BST1: variants seen among roughly 807,000 people sequenced by gnomAD.
BST1 encodes the protein ADP-ribosyl cyclase/cyclic ADP-ribose hydrolase 2.
Under a neutral mutation model 40.6 loss-of-function variants are expected in BST1, and 49 were observed. The observed-to-expected ratio is 1.21, with a 90% CI of 0.96 to 1.53. The LOEUF (loss-of-function observed/expected upper bound fraction) is 1.53. BST1 is among the 40% of genes most tolerant of loss of function. BST1 has a pLI of 0.00. For synonymous variants in BST1, 157 were observed against 159.3 expected, an observed-to-expected ratio of 0.99 and a Z score of 0.11; for missense variants, 423 against 395.9, an observed-to-expected ratio of 1.07 and a Z score of -0.58.
chr4:15,710,964 A>G (rs1020887273), intron 3 of BST1, among the ~76,000 whole-genome samples: 1 of 151,766 alleles, frequency 6.6e-6, no homozygotes, highest in South Asian at 2.1e-4. Context: ...TAATTTTTGT[A>G]TTTTTAGTAG....
In BST1 at chr4:15,715,273, T is replaced by TCACG; in HGVS notation, c.535-12_535-11insCACG. 2.5e-6 allele frequency: 4 copies of TCACG among 1,612,946 alleles called. No individual in the cohort carries two copies. The highest frequency in any genetic ancestry group is 3.4e-6 in the Non-Finnish European group (4 of 1,179,166). ...GTCTTTATTTGCTAAAAATACTTGGTTCTTCTCGTAGTATTCCAAGGATAG... is the reference window on the plus strand; with the variant it reads ...GTCTTTATTTGCTAAAAATACTTGGTCACGTCTTCTCGTAGTATTCCAAGGATAG... On this transcript the variant is annotated splice_polypyrimidine_tract_variant and intron_variant, in intron 4 of 8. Transcript: ENST00000265016.
the BST1 span, among the ~76,000 whole-genome samples, chr4:15,762,465 G>T: frequency 6.6e-6 from 1 of 151,786 alleles, no homozygotes; most frequent in Non-Finnish European, 1.5e-5. Context: ...TAAAAATAAA[G>T]ATTGAATATA....
intron 2 of BST1, among the ~76,000 whole-genome samples, chr4:15,706,704 G>A (rs1408484923): frequency 6.6e-6 from 1 of 152,178 alleles, no homozygotes; most frequent in African/African-American, 2.4e-5. Flanking sequence ...CTGAAAACAT[G>A]ATTTTTGAGT....
At chr4:15,734,782 C>A (rs969639412), downstream of BST1, among the ~76,000 whole-genome samples, 4 of 152,154 alleles carry the variant, frequency 2.6e-5, no homozygotes, top group African/African-American at 9.7e-5. Flanking sequence ...GGTCAATTTT[C>A]ATGTTTATCC....
At chr4:15,747,571 T>C in the BST1 span, among the ~76,000 whole-genome samples, 1 of 152,230 alleles carries the variant, frequency 6.6e-6, no homozygotes, top group African/African-American at 2.4e-5. Context: ...TTGGAAACAT[T>C]GTCAGCGAGC....
intron 1 of BST1, among the ~76,000 whole-genome samples, chr4:15,703,561 AGT>A (rs200430877): frequency 3.9e-5 from 5 of 126,864 alleles, no homozygotes; most frequent in East Asian, 5.2e-4. Context: ...TCTAGAGATG[AGT>A]GTGTGTGTGT....
chr4:15,743,265 C>A, downstream of BST1: 2 of 239,418 alleles, frequency 8.4e-6, no homozygotes, highest in South Asian at 1.2e-4. Context: ...TTTTGACACT[C>A]AACAGAAGGT....
chr4:15,706,160 C>G (rs1719873776), intron 2 of BST1, among the ~76,000 whole-genome samples: 1 of 152,216 alleles, frequency 6.6e-6, no homozygotes, highest in Non-Finnish European at 1.5e-5. Context: ...TACAATTTTA[C>G]AAGAGACACA....
chr4:15,707,567 T>A lies in BST1; in HGVS notation c.372T>A (p.Arg124=), dbSNP rs1199308052. The change falls in exon 3 of 9, where the codon CGT becomes CGA. Residue 124 remains arginine, a synonymous_variant. Coordinates refer to ENST00000265016, the MANE Select transcript of BST1 (RefSeq NM_004334.3). ...TTAACAGCTTTGCAGACAACACCCG[T>A]CGTTTTATGCCCCTGAGCGATGTTC... The part of the protein sequence containing the change: ...LLVNSFADNT[R]RFMPLSDVLY... The A allele has an allele frequency of 6.2e-7, 1 of 1,613,956 alleles. No individual in the cohort carries two copies. The highest frequency in any genetic ancestry group is 8.5e-7 in the Non-Finnish European group (1 of 1,180,010).
the BST1 span, among the ~76,000 whole-genome samples, chr4:15,761,042 T>TTTGTA: frequency 1.4e-3 from 212 of 151,720 alleles, 4 homozygotes; most frequent in Non-Finnish European, 5.0e-4. Context: ...TTTGTTTTGT[T>TTTGTA]TTGTTTTGTT....
chr4:15,726,910 GC>G (rs1162851929), intron 8 of BST1, among the ~76,000 whole-genome samples: 2 of 137,848 alleles, frequency 1.5e-5, no homozygotes, highest in Non-Finnish European at 3.1e-5. Context: ...TCGCTCTGTT[GC>G]CCAGGCTGGA....
At chr4:15,727,361 C>T (rs1207205220) in intron 8 of BST1, among the ~76,000 whole-genome samples, 1 of 152,134 alleles carries the variant, frequency 6.6e-6, no homozygotes, top group Non-Finnish European at 1.5e-5. Context: ...TGGCTGATTC[C>T]TTTGAATGTC....
chr4:15,761,205 C>T, the BST1 span, among the ~76,000 whole-genome samples: 7 of 151,598 alleles, frequency 4.6e-5, no homozygotes, highest in Non-Finnish European at 8.8e-5. Context: ...CCACCATGCC[C>T]GGCTAATTTT....
intron 8 of BST1, among the ~76,000 whole-genome samples, chr4:15,727,109 G>A (rs990793290): frequency 6.6e-6 from 1 of 152,104 alleles, no homozygotes; most frequent in Non-Finnish European, 1.5e-5. Flanking sequence ...CAGTTTGATT[G>A]TCATCAATGA....
downstream of BST1, among the ~76,000 whole-genome samples, chr4:15,738,844 G>A (rs1355430256): frequency 6.6e-6 from 1 of 152,188 alleles, no homozygotes; most frequent in African/African-American, 2.4e-5. Context: ...TTTGCCAAAG[G>A]TGCCAAATGA....
intron 8 of BST1, among the ~76,000 whole-genome samples, chr4:15,730,097 GA>G (rs1721300040): frequency 6.6e-6 from 1 of 152,196 alleles, no homozygotes; most frequent in Admixed American, 6.5e-5. Flanking sequence ...TGCAATTGTA[GA>G]AAATGTCCGG....
At chr4:15,718,261 G>GTGTGTGTGTT (rs1489353107) in intron 6 of BST1, among the ~76,000 whole-genome samples, 1 of 151,578 alleles carries the variant, frequency 6.6e-6, no homozygotes, top group Non-Finnish European at 1.5e-5. Context: ...GTGTGTGTGT[G>GTGTGTGTGTT]TGTGTGTGTC....
chr4:15,762,060 C>T, the BST1 span, among the ~76,000 whole-genome samples: 3 of 151,390 alleles, frequency 2.0e-5, no homozygotes, highest in Non-Finnish European at 4.4e-5. Context: ...ATAGTGGCAT[C>T]TGCCTGTAGT....
At chr4:15,728,194 G>C (rs1440550037) in intron 8 of BST1, among the ~76,000 whole-genome samples, 3 of 152,080 alleles carry the variant, frequency 2.0e-5, no homozygotes, top group Non-Finnish European at 4.4e-5. Context: ...ACAGAGACAG[G>C]ACTACTCATC....
Sources: gnomAD v4.1 joint callset for allele counts (sites outside exome capture counted in the v4.1 genomes callset) on GRCh38, gnomAD v4.1.1 for gene constraint, MANE v1.5 for transcripts, NCBI Gene and HGNC (gene_info 2026-07-23, HGNC 2026-07-21) for gene names.